The following CLSTN1 variants were observed in gnomAD, a reference collection of about 807,000 sequenced individuals.
CLSTN1 encodes the protein calsyntenin 1.
CLSTN1 carries 28 observed loss-of-function variants against 108.3 expected under a neutral mutation model. The ratio of observed to expected loss-of-function variants is 0.26; its 90% confidence interval spans 0.19 to 0.35. The LOEUF is 0.35. Among genes scored for constraint, CLSTN1 ranks in the 10% least tolerant of loss-of-function variants. The pLI, the probability that CLSTN1 is intolerant of heterozygous loss-of-function variation, is 1.00. For synonymous variants in CLSTN1, 524 were observed against 534.9 expected (o/e 0.98, Z 0.28); for missense variants, 1,157 against 1,302.6 (o/e 0.89, Z 1.72).
intron 10 of CLSTN1, among the ~76,000 whole-genome samples, chr1:9,738,792 G>A (rs1172938641): frequency 6.6e-6 from 1 of 152,138 alleles, no homozygotes; most frequent in Non-Finnish European, 1.5e-5. Context: ...GGGATTACAG[G>A]CGCACGCCAC....
intron 1 of CLSTN1, among the ~76,000 whole-genome samples, chr1:9,807,115 C>T (rs911229238): frequency 3.3e-5 from 5 of 152,032 alleles, no homozygotes; most frequent in African/African-American, 7.2e-5. Context: ...GTTTTACCCC[C>T]GGCTCAGCAA....
intron 1 of CLSTN1, among the ~76,000 whole-genome samples, chr1:9,812,647 G>C (rs1451957414): frequency 6.6e-6 from 1 of 152,056 alleles, no homozygotes; most frequent in Non-Finnish European, 1.5e-5. Flanking sequence ...GGGAGTTCAA[G>C]ACCAGCCTGA....
At position 9,735,506 on chromosome 1, in the gene CLSTN1, G is replaced by A. The variant is rs1424803630; in HGVS notation, c.1844C>T (p.Thr615Met). 2.2e-5 allele frequency: 36 copies of A among 1,614,074 alleles called. No homozygotes were observed. Among genetic ancestry groups the A allele is most frequent in the African/African-American group, 1.1e-4 (8 of 74,920 alleles). ...ISYLNSRQFP[T>M]PGIRRLKITS... is the part of the protein sequence containing the mutation. ...GATTTTGAGTCTGCGAATTCCGGGC[G>A]TGGGGAACTGCCGGGAGTTCAGGTA... Residue 615 changes from threonine to methionine, a missense_variant, in exon 13 of 19, where the codon ACG (threonine) becomes ATG (methionine). Thr to Met is a moderately conservative substitution (Grantham distance 81). Coordinates refer to ENST00000377298, the MANE Select transcript of CLSTN1 (RefSeq NM_001009566.3).
chr1:9,757,220 T>C (rs1339301435), intron 2 of CLSTN1, among the ~76,000 whole-genome samples: 1 of 151,588 alleles, frequency 6.6e-6, no homozygotes, highest in Non-Finnish European at 1.5e-5. Context: ...GTAGATTTAA[T>C]GAAACAAAAA....
chr1:9,767,476 C>A (rs1015182170), intron 2 of CLSTN1, among the ~76,000 whole-genome samples: 3 of 148,974 alleles, frequency 2.0e-5, no homozygotes, highest in Non-Finnish European at 4.4e-5. Flanking sequence ...ACCCAGGAGG[C>A]GGAGGTTGCA....
chr1:9,745,561 A>G (rs1651217763), intron 7 of CLSTN1, among the ~76,000 whole-genome samples: 1 of 151,020 alleles, frequency 6.6e-6, no homozygotes, highest in Admixed American at 6.6e-5. Context: ...GGAGGCTGAG[A>G]TGGGAGGATC....
intron 1 of CLSTN1, among the ~76,000 whole-genome samples, chr1:9,799,030 A>G (rs538538101): frequency 5.6e-4 from 85 of 151,926 alleles, no homozygotes; most frequent in Admixed American, 1.8e-3. Flanking sequence ...AATCAAAATA[A>G]ATTAGCCAGA....
intron 1 of CLSTN1, among the ~76,000 whole-genome samples, chr1:9,797,121 C>G (rs1056531235): frequency 3.9e-5 from 6 of 152,160 alleles, no homozygotes; most frequent in African/African-American, 1.4e-4. Flanking sequence ...CCATGCTACT[C>G]CAAGGCTGTC....
chr1:9,796,365 A>G (rs1654001940), intron 1 of CLSTN1, among the ~76,000 whole-genome samples: 1 of 150,792 alleles, frequency 6.6e-6, no homozygotes, highest in Non-Finnish European at 1.5e-5. Context: ...AGATGGTGAA[A>G]TGGAAACTGG....
intron 1 of CLSTN1, among the ~76,000 whole-genome samples, chr1:9,775,328 C>T (rs1652882745): frequency 6.6e-6 from 1 of 151,912 alleles, no homozygotes; most frequent in African/African-American, 2.4e-5. Context: ...AAACCAGGGA[C>T]ACCCCCACCC....
chr1:9,784,395 C>T (rs528226962), intron 1 of CLSTN1, among the ~76,000 whole-genome samples: 5 of 152,016 alleles, frequency 3.3e-5, no homozygotes, highest in Non-Finnish European at 5.9e-5. Context: ...GTACTCCCAG[C>T]TACTCGGGAG....
chr1:9,810,719 G>A (rs1654721374), intron 1 of CLSTN1, among the ~76,000 whole-genome samples: 2 of 152,078 alleles, frequency 1.3e-5, no homozygotes, highest in Non-Finnish European at 1.5e-5. Flanking sequence ...AGGTTGCAGT[G>A]AGCCGAGATT....
At position 9,735,173 on chromosome 1, in the gene CLSTN1, A is replaced by G. The variant is rs779773162; in HGVS notation, c.1885T>C (p.Cys629Arg). ...RRLKITSTIK[C>R]FNEATCISVP... ...GAAATGCAGGTGGCCTCGTTAAAAC[A>G]CCTGCCAGCAAGAAATGGGGAAGGG... is the stretch of plus-strand genomic sequence containing the variant. The change falls in exon 14 of 19, where the codon TGT becomes CGT. Residue 629 changes from cysteine (C) to arginine (R), a missense_variant and splice_region_variant. Coordinates refer to ENST00000377298, the MANE Select transcript of CLSTN1 (RefSeq NM_001009566.3). The G allele has an allele frequency of 1.2e-6, 2 of 1,613,192 alleles. No individual in the cohort carries two copies. Among genetic ancestry groups the G allele is most frequent in the East Asian group, 2.2e-5 (1 of 44,862 alleles).
At chr1:9,807,792 C>T (rs1481303257) in intron 1 of CLSTN1, among the ~76,000 whole-genome samples, 1 of 152,260 alleles carries the variant, frequency 6.6e-6, no homozygotes, top group Admixed American at 6.5e-5. Context: ...GGCCCCTCCT[C>T]CCTGGGCTTC....
chr1:9,810,774 CAAAAAATAAATAAATAAAAT>C (rs1654724406), intron 1 of CLSTN1, among the ~76,000 whole-genome samples: 1 of 150,212 alleles, frequency 6.7e-6, no homozygotes, highest in Non-Finnish European at 1.5e-5. Context: ...GACCCCAACT[CAAAAAATAAATAAATAAAAT>C]TAAAAATAAA....
intron 12 of CLSTN1, 60 bp from the exon 13 acceptor site, chr1:9,735,675 C>G: frequency 6.2e-7 from 1 of 1,601,012 alleles, no homozygotes; most frequent in East Asian, 2.2e-5. Context: ...GGAGCTGAAA[C>G]CACAGATGCC....
rs1258034656 is a variant in CLSTN1 at position 9,734,300 on chromosome 1, C to T, written c.2111-158G>A. Among the ~76,000 whole-genome samples, 2 of 152,138 alleles carry T rather than the reference C, an allele frequency of 1.3e-5. No homozygotes were observed. Among genetic ancestry groups the T allele is most frequent in the Non-Finnish European group, 2.9e-5 (2 of 68,026 alleles). ...GAGTTGCTTTCAAGAAACGGCTGGG[C>T]GCAGTGGCTCACGCCTGTAATCCCA... On this transcript the variant is annotated intron_variant, in intron 14 of 18. Coordinates refer to ENST00000377298, the MANE Select transcript of CLSTN1 (RefSeq NM_001009566.3). The surrounding 1 kb of genome is among the most constrained non-coding windows in gnomAD (Gnocchi z 4.8).
At chr1:9,810,343 GT>G (rs1557725678) in intron 1 of CLSTN1, among the ~76,000 whole-genome samples, 5 of 149,574 alleles carry the variant, frequency 3.3e-5, no homozygotes, top group African/African-American at 1.2e-4. Flanking sequence ...AGGTGTGGGA[GT>G]GTACACCTGT....
At chr1:9,773,653 GAA>G (rs879766696) in intron 1 of CLSTN1, among the ~76,000 whole-genome samples, 2 of 150,106 alleles carry the variant, frequency 1.3e-5, no homozygotes, top group South Asian at 2.1e-4. Flanking sequence ...GAAATCAAGG[GAA>G]AAAAAAAGAC....
Sources: allele counts gnomAD v4.1 joint callset (sites outside exome capture counted in the v4.1 genomes callset), GRCh38; gene constraint gnomAD v4.1.1; non-coding constraint Gnocchi (gnomAD v3.1); transcripts MANE v1.5; gene names NCBI Gene and HGNC (gene_info 2026-07-23, HGNC 2026-07-21).